TMEM230: variants seen among roughly 807,000 people sequenced by gnomAD.
TMEM230 encodes transmembrane protein 230.
Under a neutral mutation model 15.8 loss-of-function variants are expected in TMEM230, and 10 were observed. The ratio of observed to expected loss-of-function variants is 0.63; its 90% CI spans 0.39 to 1.07. TMEM230 has a LOEUF of 1.07. Ranked by LOEUF, TMEM230 falls within the 50% of genes least tolerant of loss-of-function variation. TMEM230 has a pLI of 0.01. For synonymous variants in TMEM230, 67 were observed against 76.9 expected (o/e 0.87, Z 0.68); for missense variants, 165 against 193.3 (o/e 0.85, Z 0.87).
chr20:5,077,199 C>T (rs113044561), intron 3 of TMEM230, among the ~76,000 whole-genome samples: 7,541 of 151,626 alleles, frequency 0.05, 574 homozygotes, highest in African/African-American at 0.17. Context: ...CCCAGCTACT[C>T]GGGAAACTGA....
downstream of TMEM230, among the ~76,000 whole-genome samples, chr20:5,098,854 C>T (rs1259726524): frequency 1.3e-5 from 2 of 151,870 alleles, no homozygotes; most frequent in East Asian, 3.9e-4. Context: ...TTTTAAAAAC[C>T]AGATATATAT....
chr20:5,100,734 G>C lies in TMEM230; in HGVS notation c.*57C>G. 1.3e-6 allele frequency: 2 copies of C among 1,594,914 alleles called. No individual in the cohort carries two copies. Among genetic ancestry groups the C allele is most frequent in the East Asian group, 4.5e-5 (2 of 44,446 alleles). On this transcript the variant is annotated 3_prime_UTR_variant, in exon 5 of 5. Transcript: ENST00000342308. Reference sequence around the variant, plus strand: ...TAGTCCTCAGCTATAGTTTCTGCTAGATATCTTAAAGCTGGGACAGTTCCA... The same window carrying C: ...TAGTCCTCAGCTATAGTTTCTGCTACATATCTTAAAGCTGGGACAGTTCCA...
Position 5,106,428 on chromosome 20 carries a change from A to C in TMEM230, c.289-118T>G, listed in dbSNP as rs2090096093. On this transcript the variant is annotated intron_variant, in intron 3 of 4. Transcript: ENST00000342308. ...TTTTTGTTTGTTTGTTTTGAGATGG[A>C]GTTTCGTTCTTGTTGCCCAGGCTAG... 4 of 1,285,570 alleles carry C rather than the reference A, an allele frequency of 3.1e-6. No homozygotes were observed. The African/African-American group carries it at 4.6e-5, about 15-fold the overall frequency. The allele number at this position is 1,285,570 out of a possible 1,614,324, so 79.6% of individuals were successfully genotyped here. A position where few individuals can be genotyped will look rare whatever the true frequency, so the allele number is the denominator to read the frequency against.
chr20:5,096,795 G>A (rs1025881327), downstream of TMEM230, among the ~76,000 whole-genome samples: 1 of 152,204 alleles, frequency 6.6e-6, no homozygotes, highest in African/African-American at 2.4e-5. Flanking sequence ...GGAACATGGT[G>A]TCCTGGGATG....
intron 3 of TMEM230, among the ~76,000 whole-genome samples, chr20:5,094,588 TC>T (rs2089609503): frequency 6.8e-6 from 1 of 146,498 alleles, no homozygotes. Flanking sequence ...GTGCCTGTAA[TC>T]CCAACTACTC....
intron 4 of TMEM230, among the ~76,000 whole-genome samples, chr20:5,102,092 A>G (rs1336702645): frequency 6.6e-6 from 1 of 152,208 alleles, no homozygotes; most frequent in Non-Finnish European, 1.5e-5. Flanking sequence ...ACTGTCTAAT[A>G]TCTCAGAGGC....
chr20:5,099,015 G>A (rs1040152064), downstream of TMEM230, among the ~76,000 whole-genome samples: 2 of 151,744 alleles, frequency 1.3e-5, no homozygotes, highest in African/African-American at 2.4e-5. Flanking sequence ...TTGACCAGCA[G>A]CATCAACTTT....
Position 5,069,000 on chromosome 20 carries a change from G to A in TMEM230, c.*188C>T, listed in dbSNP as rs1282394672. 7.0e-6 allele frequency: 4 copies of A among 574,116 alleles called. No homozygotes were observed. In the East Asian group the frequency reaches 1.2e-4, roughly 18 times the overall value. The allele number at this position is 574,116 out of a possible 1,614,324, so 35.6% of individuals were successfully genotyped here. On this transcript the variant is annotated 3_prime_UTR_variant, in exon 4 of 4. Coordinates refer to the TMEM230 transcript ENST00000612323. ...AAGAGGAGTTGCATAGGGGGTAGAG[G>A]GCAGCTGGAATTCCTTTGGCCTGCT...
intron 2 of TMEM230, among the ~76,000 whole-genome samples, chr20:5,110,871 C>T (rs1389367650): frequency 6.6e-6 from 1 of 152,124 alleles, no homozygotes; most frequent in African/African-American, 2.4e-5. Context: ...AAAATCATAA[C>T]ATTTAAATTA....
At chr20:5,110,898 T>C (rs1172342263) in intron 2 of TMEM230, among the ~76,000 whole-genome samples, 2 of 152,188 alleles carry the variant, frequency 1.3e-5, no homozygotes, top group Middle Eastern at 3.2e-3. Context: ...TTTGTATTAA[T>C]AGGCCGGGCG....
Position 5,076,265 on chromosome 20 carries a change from G to A in TMEM230, c.223-6916C>T, listed in dbSNP as rs188109817. 2.6e-4 allele frequency among the ~76,000 whole-genome samples: 39 copies of A among 152,212 alleles called. 1 individual carries two copies. Among genetic ancestry groups the A allele is most frequent in the Admixed American group, 1.2e-3 (19 of 15,292 alleles). ...GCAAGCATTAAATGTTGTTGGCTGG[G>A]CATGGTAGCTCACGCCTGTAATCCA... is the stretch of plus-strand genomic sequence containing the variant. On this transcript the variant is annotated intron_variant, in intron 3 of 3. Coordinates refer to the TMEM230 transcript ENST00000612323.
intron 1 of TMEM230, among the ~76,000 whole-genome samples, chr20:5,112,035 C>T (rs1568512854): frequency 1.3e-5 from 2 of 152,072 alleles, no homozygotes; most frequent in African/African-American, 2.4e-5. Flanking sequence ...TTAGTAGAGA[C>T]GGGCTTCACC....
chr20:5,099,132 A>C (rs1175314661), downstream of TMEM230, among the ~76,000 whole-genome samples: 1 of 152,084 alleles, frequency 6.6e-6, no homozygotes, highest in Non-Finnish European at 1.5e-5. Flanking sequence ...TCAAGGCTGC[A>C]GTGAGAAATG....
At chr20:5,076,883 G>C (rs1414960457) in intron 3 of TMEM230, among the ~76,000 whole-genome samples, 1 of 151,358 alleles carries the variant, frequency 6.6e-6, no homozygotes, top group African/African-American at 2.4e-5. Context: ...TCGCCATGTT[G>C]GCCAGGCTAG....
Position 5,100,036 on chromosome 20 carries a change from G to A in TMEM230, c.*755C>T, listed in dbSNP as rs8114875. 4,068 of 985,210 alleles carry A rather than the reference G, an allele frequency of 4.1e-3. 134 individuals are homozygous for A. The African/African-American group carries it at 0.062, about 15-fold the overall frequency. 61.0% of individuals were successfully genotyped at this position (985,210 alleles called of 1,614,324 possible). On this transcript the variant is annotated 3_prime_UTR_variant, in exon 5 of 5. Transcript: ENST00000342308. ...ACATACTACAAGGTGCTAGCAATAC[G>A]GCTATAAACTCTAAATAATAACCAC...
intron 3 of TMEM230, among the ~76,000 whole-genome samples, chr20:5,092,728 A>T (rs1020684826): frequency 7.9e-5 from 12 of 152,128 alleles, no homozygotes; most frequent in Non-Finnish European, 1.6e-4. Context: ...AAAAAAAAAA[A>T]AAAAGAGAGA....
intron 3 of TMEM230, among the ~76,000 whole-genome samples, chr20:5,070,560 T>C (rs2088789989): frequency 6.6e-6 from 1 of 152,218 alleles, no homozygotes; most frequent in South Asian, 2.1e-4. Context: ...ACTGCCCAGC[T>C]GACCTACTCT....
chr20:5,106,866 C>CAGCT (rs934174819), intron 3 of TMEM230, among the ~76,000 whole-genome samples: 2 of 152,026 alleles, frequency 1.3e-5, no homozygotes, highest in African/African-American at 4.8e-5. Flanking sequence ...TCACCATGCC[C>CAGCT]AGCTAATTTT....
downstream of TMEM230, chr20:5,067,409 TCATATATATATATATATATATATA>T (rs1568475685): frequency 1.4e-5 from 1 of 73,812 alleles, no homozygotes; most frequent in East Asian, 3.4e-4. Flanking sequence ...GTGTTTAGGC[TCATATATATATATATATATATATA>T]TATATATATA....
Sources: allele counts gnomAD v4.1 joint callset (sites outside exome capture counted in the v4.1 genomes callset), GRCh38; gene constraint gnomAD v4.1.1; transcripts MANE v1.5; gene names NCBI Gene and HGNC (gene_info 2026-07-23, HGNC 2026-07-21).